COA7: variants seen among roughly 807,000 people sequenced by gnomAD.
COA7 encodes the protein Sel1 repeat containing 1.
In COA7, 12 loss-of-function variants were observed where a neutral mutation model predicts 21.0. That is an observed-to-expected ratio of 0.57 (90% CI 0.37 to 0.92). The LOEUF is 0.92. Among genes scored for constraint, COA7 ranks in the 40% least tolerant of loss-of-function variants. The pLI is 0.01. For missense variants in COA7, 240 were observed against 286.1 expected (o/e 0.84, Z 1.16); for synonymous variants, 95 against 107.4 (o/e 0.88, Z 0.72).
Position 52,687,377 on chromosome 1 carries a change from A to G in COA7, c.*343T>C, listed in dbSNP as rs1339203139. 2 of 231,334 alleles carry G rather than the reference A, an allele frequency of 8.6e-6. No homozygotes were observed. The highest frequency in any genetic ancestry group is 1.7e-5 in the Non-Finnish European group (2 of 117,614). 14.3% of individuals were successfully genotyped at this position (231,334 alleles called of 1,614,324 possible). ...TGCTATCCTCCCTTCCCTACTACCA[A>G]TCTCCAGGGCTCTCTAGTTTGCTCC... On this transcript the variant is annotated 3_prime_UTR_variant, in exon 3 of 3. Coordinates refer to ENST00000371538, the MANE Select transcript of COA7 (RefSeq NM_023077.3).
intron 1 of COA7, among the ~76,000 whole-genome samples, chr1:52,696,260 G>A (rs1487548775): frequency 2.0e-5 from 3 of 151,838 alleles, no homozygotes; most frequent in East Asian, 1.9e-4. Flanking sequence ...TGCAACCTCC[G>A]CCTCCCAGGT....
At chr1:52,695,122 C>T (rs1158375681) in intron 1 of COA7, among the ~76,000 whole-genome samples, 4 of 151,912 alleles carry the variant, frequency 2.6e-5, no homozygotes, top group Non-Finnish European at 4.4e-5. Context: ...GGTGAAATCC[C>T]GTCTCTACTA....
intron 2 of COA7, among the ~76,000 whole-genome samples, chr1:52,691,490 G>A (rs775533993): frequency 4.0e-5 from 5 of 124,888 alleles, no homozygotes; most frequent in Non-Finnish European, 6.6e-5. Context: ...TTTTTTTTGT[G>A]AGACAGAGTC....
intron 2 of COA7, among the ~76,000 whole-genome samples, chr1:52,691,192 G>A (rs190954108): frequency 9.9e-5 from 15 of 152,114 alleles, no homozygotes; most frequent in East Asian, 1.9e-4. Flanking sequence ...AAGGTGCAAG[G>A]ATTGCTTGAG....
intron 1 of COA7, among the ~76,000 whole-genome samples, chr1:52,694,460 C>T (rs1165796705): frequency 1.2e-5 from 1 of 81,392 alleles, no homozygotes; most frequent in African/African-American, 7.9e-5. Flanking sequence ...AACTCCATCT[C>T]GAAAAAAAAA....
intron 1 of COA7, among the ~76,000 whole-genome samples, chr1:52,696,724 T>C (rs1296901313): frequency 6.6e-6 from 1 of 150,630 alleles, no homozygotes; most frequent in Non-Finnish European, 1.5e-5. Flanking sequence ...CTTGAACTCC[T>C]GGCCTCAAGT....
intron 1 of COA7, among the ~76,000 whole-genome samples, chr1:52,695,443 C>T (rs1384792018): frequency 8.6e-5 from 13 of 152,034 alleles, no homozygotes; most frequent in East Asian, 5.8e-4. Flanking sequence ...CCAGCCTGGG[C>T]GACAGAGTAA....
At chr1:52,695,747 G>C (rs1156647492) in intron 1 of COA7, among the ~76,000 whole-genome samples, 1 of 152,122 alleles carries the variant, frequency 6.6e-6, no homozygotes. Context: ...CAGTTATCCA[G>C]GTAAGAAAGT....
rs1203172635 is a variant in COA7 at position 52,685,620 on chromosome 1, CA to C, written c.*2099del. 1 of 151,972 alleles carries C rather than the reference CA, an allele frequency of 6.6e-6. No homozygotes were observed. Among genetic ancestry groups the C allele is most frequent in the African/African-American group, 2.4e-5 (1 of 41,346 alleles). 9.4% of individuals were successfully genotyped at this position (151,972 alleles called of 1,614,324 possible). On this transcript the variant is annotated 3_prime_UTR_variant, in exon 3 of 3. Coordinates refer to ENST00000371538, the MANE Select transcript of COA7 (RefSeq NM_023077.3). ...CTCACTCTGTTACCTGGCTGGAGTG[CA>C]ATGGCATGGTCTTGGCTCACTGCAA... is the stretch of plus-strand genomic sequence containing the variant.
At chr1:52,693,747 T>C (rs1400158310) in intron 1 of COA7, among the ~76,000 whole-genome samples, 1 of 152,164 alleles carries the variant, frequency 6.6e-6, no homozygotes, top group Non-Finnish European at 1.5e-5. Context: ...CTCTACTTCC[T>C]TGGCAGTCTC....
intron 1 of COA7, among the ~76,000 whole-genome samples, chr1:52,697,583 T>A (rs559472372): frequency 3.1e-4 from 47 of 151,714 alleles, no homozygotes; most frequent in African/African-American, 1.1e-3. Context: ...TTTTTATTTA[T>A]TTTTTTTGAG....
Position 52,686,718 on chromosome 1 carries a change from G to T in COA7, c.*1002C>A, listed in dbSNP as rs990836552. On this transcript the variant is annotated 3_prime_UTR_variant, in exon 3 of 3. Coordinates refer to ENST00000371538, the MANE Select transcript of COA7 (RefSeq NM_023077.3). ...CCGCCTTGGCCACCCAAAGTGCTGGGGTTACAGGCGTGAGCCACCGTGCCC... is the reference window on the plus strand; with the variant it reads ...CCGCCTTGGCCACCCAAAGTGCTGGTGTTACAGGCGTGAGCCACCGTGCCC... 2 of 152,280 alleles carry T rather than the reference G, an allele frequency of 1.3e-5. No homozygotes were observed. Among genetic ancestry groups the T allele is most frequent in the African/African-American group, 4.8e-5 (2 of 41,424 alleles). The allele number at this position is 152,280 out of a possible 1,614,324, so 9.4% of individuals were successfully genotyped here.
chr1:52,687,678 A>G lies in COA7; in HGVS notation c.*42T>C. ...TCAGTCTTCAGAAACAGGAGCTGCC[A>G]GCCTCAAGCAGTTTGTTGCCTGGGA... On this transcript the variant is annotated 3_prime_UTR_variant, in exon 3 of 3. Transcript: ENST00000371538. 1.3e-6 allele frequency: 2 copies of G among 1,577,604 alleles called. No individual in the cohort carries two copies. The highest frequency in any genetic ancestry group is 1.7e-6 in the Non-Finnish European group (2 of 1,156,084).
At chr1:52,692,514 C>G (rs565518425) in intron 2 of COA7, among the ~76,000 whole-genome samples, 2 of 152,300 alleles carry the variant, frequency 1.3e-5, no homozygotes, top group Admixed American at 6.5e-5. Flanking sequence ...GCTCAAGGTC[C>G]CACTACTTGC....
chr1:52,692,528 T>C (rs1019143005), intron 2 of COA7, among the ~76,000 whole-genome samples, 199 bp downstream of exon 2: 2 of 152,198 alleles, frequency 1.3e-5, no homozygotes, highest in African/African-American at 4.8e-5. Flanking sequence ...TACTTGCCAA[T>C]AGCATTCCCT....
At chr1:52,696,193 G>C (rs1644082780) in intron 1 of COA7, among the ~76,000 whole-genome samples, 1 of 151,076 alleles carries the variant, frequency 6.6e-6, no homozygotes, top group Non-Finnish European at 1.5e-5. Context: ...TTTTTTTTGA[G>C]ACGTTGTTTC....
In COA7 at chr1:52,685,230, C is replaced by T. The variant is rs1643992539; in HGVS notation, c.*2490G>A. 1 of 152,192 alleles carries T rather than the reference C, an allele frequency of 6.6e-6. No homozygotes were observed. Among genetic ancestry groups the T allele is most frequent in the South Asian group, 2.1e-4 (1 of 4,836 alleles). 9.4% of individuals were successfully genotyped at this position (152,192 alleles called of 1,614,324 possible). A position where few individuals can be genotyped will look rare whatever the true frequency, so the allele number is the denominator to read the frequency against. ...AAAGTGGCTGTGCCATCTTGCGTTC[C>T]CACCAGCAAGGAATAAGAGTTCTGG... On this transcript the variant is annotated 3_prime_UTR_variant, in exon 3 of 3. Coordinates refer to ENST00000371538, the MANE Select transcript of COA7 (RefSeq NM_023077.3).
chr1:52,695,852 C>T (rs1644080376), intron 1 of COA7, among the ~76,000 whole-genome samples: 1 of 152,074 alleles, frequency 6.6e-6, no homozygotes, highest in Non-Finnish European at 1.5e-5. Flanking sequence ...TTGATATATC[C>T]ACCCTTCCCA....
chr1:52,684,537 TC>T lies in COA7; in HGVS notation c.*3182del, dbSNP rs1643988175. The T allele has an allele frequency of 6.6e-6, 1 of 152,154 alleles. No homozygotes were observed. Among genetic ancestry groups the T allele is most frequent in the Non-Finnish European group, 1.5e-5 (1 of 68,032 alleles). 9.4% of individuals were successfully genotyped at this position (152,154 alleles called of 1,614,324 possible). A position where few individuals can be genotyped will look rare whatever the true frequency, so the allele number is the denominator to read the frequency against. On this transcript the variant is annotated 3_prime_UTR_variant, in exon 3 of 3. Coordinates refer to ENST00000371538, the MANE Select transcript of COA7 (RefSeq NM_023077.3). ...ACAGAGATTTCCCATATAGTTGTTG[TC>T]CCCACACATGCATAGTCTCCACCAT...
Sources: gnomAD v4.1 joint callset for allele counts (sites outside exome capture counted in the v4.1 genomes callset) on GRCh38, gnomAD v4.1.1 for gene constraint, MANE v1.5 for transcripts, NCBI Gene and HGNC (gene_info 2026-07-23, HGNC 2026-07-21) for gene names.